Variants in RCOR3 observed in about 807,000 individuals in gnomAD.
RCOR3 encodes REST corepressor 3.
Under a neutral mutation model 64.1 loss-of-function variants are expected in RCOR3, and 13 were observed. That is an observed-to-expected ratio of 0.20 (90% confidence interval 0.13 to 0.32). The LOEUF (loss-of-function observed/expected upper bound fraction) is 0.32. RCOR3 is among the 10% of genes least tolerant of loss of function. The pLI, the probability that RCOR3 is intolerant of heterozygous loss-of-function variation, is 1.00. For synonymous variants in RCOR3, 215 were observed against 239.0 expected, an observed-to-expected ratio of 0.90 and a Z score of 0.93; for missense variants, 489 against 701.2, an observed-to-expected ratio of 0.70 and a Z score of 3.42.
intron 10 of RCOR3, among the ~76,000 whole-genome samples, chr1:211,311,937 A>G (rs1701526064): frequency 6.6e-6 from 1 of 152,152 alleles, no homozygotes; most frequent in South Asian, 2.1e-4. Flanking sequence ...TAGGTTCTCA[A>G]TTAACAATAA....
At chr1:211,279,353 A>T in intron 7 of RCOR3, 37 bp downstream of exon 7, 1 of 1,442,562 alleles carries the variant, frequency 6.9e-7, no homozygotes. Flanking sequence ...TGATTGTTCT[A>T]CAAATCTGCT....
chr1:211,302,568 TAA>T (rs1047545433), intron 9 of RCOR3: 2 of 152,264 alleles, frequency 1.3e-5, no homozygotes, highest in East Asian at 1.9e-4. Context: ...CGCCAAAAAA[TAA>T]AGTGTATTAA....
chr1:211,274,897 C>T (rs1696740370), intron 4 of RCOR3, among the ~76,000 whole-genome samples: 1 of 151,706 alleles, frequency 6.6e-6, no homozygotes, highest in East Asian at 1.9e-4. Context: ...TGGCTACCCA[C>T]AGATTGGTCT....
At chr1:211,290,208 A>C (rs192159027) in intron 8 of RCOR3, among the ~76,000 whole-genome samples, 1 of 152,152 alleles carries the variant, frequency 6.6e-6, no homozygotes, top group Non-Finnish European at 1.5e-5. Flanking sequence ...CCCTATACCT[A>C]TGCCAGTGAC....
At chr1:211,260,260 A>T in intron 2 of RCOR3, 96 bp downstream of exon 2, 15 of 1,068,608 alleles carry the variant, frequency 1.4e-5, no homozygotes, top group Middle Eastern at 2.4e-4. Flanking sequence ...CCGGGAGGGG[A>T]TGCGGGGTTG....
At chr1:211,310,789 T>C (rs1701399937) in intron 10 of RCOR3, among the ~76,000 whole-genome samples, 1 of 152,202 alleles carries the variant, frequency 6.6e-6, no homozygotes, top group African/African-American at 2.4e-5. Flanking sequence ...ATAATATCTT[T>C]AGACTTGGAG....
intron 8 of RCOR3, among the ~76,000 whole-genome samples, chr1:211,290,667 C>T (rs1265533818): frequency 2.6e-5 from 4 of 152,146 alleles, no homozygotes; most frequent in Non-Finnish European, 5.9e-5. Flanking sequence ...TGAGCCACCA[C>T]GCTCGGCCTC....
chr1:211,287,990 A>G (rs575871562), intron 7 of RCOR3, among the ~76,000 whole-genome samples: 1 of 152,222 alleles, frequency 6.6e-6, no homozygotes, highest in South Asian at 2.1e-4. Context: ...TAGGCAGATC[A>G]CTTGAGTCTA....
chr1:211,278,009 C>T, intron 5 of RCOR3, 108 bp from the exon 6 acceptor site: 1 of 933,800 alleles, frequency 1.1e-6, no homozygotes, highest in South Asian at 1.6e-5. Context: ...TAAAGGTACC[C>T]ATGAAATATT....
intron 3 of RCOR3, 123 bp from the exon 4 acceptor site, chr1:211,274,087 C>T: frequency 4.2e-6 from 2 of 471,634 alleles, no homozygotes; most frequent in Non-Finnish European, 6.8e-6. Context: ...TGGGAGGTGC[C>T]TTTGGCTTTT....
intron 1 of RCOR3, 40 bp from the exon 2 acceptor site, chr1:211,260,068 T>C (rs1693955612): frequency 6.5e-7 from 1 of 1,530,392 alleles, no homozygotes; most frequent in Non-Finnish European, 8.7e-7. Context: ...CTTTTCTTCT[T>C]TTTTATTTTT....
intron 7 of RCOR3, among the ~76,000 whole-genome samples, chr1:211,288,634 G>C (rs964489674): frequency 1.3e-5 from 2 of 148,902 alleles, no homozygotes; most frequent in Non-Finnish European, 3.0e-5. Flanking sequence ...TTGGAAGTTA[G>C]AAATATTTTC....
At chr1:211,268,653 A>G (rs1695643790) in intron 2 of RCOR3, among the ~76,000 whole-genome samples, 1 of 152,106 alleles carries the variant, frequency 6.6e-6, no homozygotes, top group Non-Finnish European at 1.5e-5. Context: ...CTGGGATTAT[A>G]GACTTGAGCC....
chr1:211,260,825 A>T (rs1694129594), intron 2 of RCOR3: 1 of 152,426 alleles, frequency 6.6e-6, no homozygotes, highest in Non-Finnish European at 1.5e-5. Flanking sequence ...ACCACAGGAC[A>T]GTGGCTGCAG....
At chr1:211,263,216 G>A (rs2102420630) in intron 2 of RCOR3, among the ~76,000 whole-genome samples, 1 of 151,720 alleles carries the variant, frequency 6.6e-6, no homozygotes, top group Admixed American at 6.6e-5. Context: ...CATTTTTTAT[G>A]GCTGCATAGT....
At chr1:211,287,371 T>C (rs1241256675) in intron 7 of RCOR3, among the ~76,000 whole-genome samples, 1 of 152,224 alleles carries the variant, frequency 6.6e-6, no homozygotes, top group Non-Finnish European at 1.5e-5. Flanking sequence ...AACTACTGCA[T>C]ACTTGATTCT....
chr1:211,296,707 G>A (rs1699891556), intron 9 of RCOR3, among the ~76,000 whole-genome samples: 1 of 152,102 alleles, frequency 6.6e-6, no homozygotes, highest in South Asian at 2.1e-4. Flanking sequence ...TTATGGAAAA[G>A]AGTGAAAAAT....
At chr1:211,272,937 T>TA (rs896081924) in intron 3 of RCOR3, among the ~76,000 whole-genome samples, 8 of 152,162 alleles carry the variant, frequency 5.3e-5, no homozygotes, top group Non-Finnish European at 1.2e-4. Context: ...TCTTACTTTT[T>TA]AAAAGCTCCC....
chr1:211,281,487 A>G (rs1571879221), intron 7 of RCOR3, among the ~76,000 whole-genome samples: 1 of 151,954 alleles, frequency 6.6e-6, no homozygotes, highest in Non-Finnish European at 1.5e-5. Context: ...TTTCCAGTCC[A>G]TTGACTGCCC....
Sources: allele counts gnomAD v4.1 joint callset (sites outside exome capture counted in the v4.1 genomes callset), GRCh38; gene constraint gnomAD v4.1.1; transcripts MANE v1.5; gene names NCBI Gene and HGNC (gene_info 2026-07-23, HGNC 2026-07-21).